The following SHROOM4 variants were observed in gnomAD, a reference collection of about 807,000 sequenced individuals.
SHROOM4 encodes the protein protein Shroom4.
Under a neutral mutation model 80.3 loss-of-function variants are expected in SHROOM4, and 17 were observed. The ratio of observed to expected loss-of-function variants is 0.21; its 90% CI spans 0.14 to 0.32. The LOEUF is 0.32. SHROOM4 is among the 10% of genes least tolerant of loss of function. The pLI, the probability that SHROOM4 is intolerant of heterozygous loss-of-function variation, is 1.00. For synonymous variants in SHROOM4, 400 were observed against 437.5 expected (o/e 0.91, Z 1.07); for missense variants, 993 against 1,140.3 (o/e 0.87, Z 1.86).
intron 1 of SHROOM4, among the ~76,000 whole-genome samples, chrX:50,738,300 T>C (rs150917790): frequency 0.028 from 3,078 of 111,181 alleles, 94 homozygotes; most frequent in African/African-American, 0.094. Context: ...ATCACTCCTA[T>C]TCAACATAGT....
intron 1 of SHROOM4, among the ~76,000 whole-genome samples, chrX:50,735,963 C>G (rs782748993): frequency 1.9e-5 from 2 of 105,964 alleles, no homozygotes; most frequent in African/African-American, 6.9e-5. Context: ...GCCGAGACCG[C>G]GCCACTGCAC....
intron 3 of SHROOM4, among the ~76,000 whole-genome samples, chrX:50,637,002 C>T (rs912137156): frequency 9.0e-6 from 1 of 111,419 alleles, no homozygotes; most frequent in African/African-American, 3.3e-5. Flanking sequence ...TTAGTTTTTG[C>T]CATCAGGATC....
chrX:50,734,606 G>T (rs1934441077), intron 1 of SHROOM4, among the ~76,000 whole-genome samples: 1 of 110,315 alleles, frequency 9.1e-6, no homozygotes, highest in Non-Finnish European at 1.9e-5. Flanking sequence ...GTACAAACGG[G>T]GTTTCACCAT....
rs1048476504 is a variant in SHROOM4 at position 50,591,560 on chromosome X, A to G, written c.*5135T>C. Reference sequence around the variant, plus strand: ...CTTTCCATTTATTTTGATCTTCTCTAATCTCTTTCAACAATGTTTTATAGT... The same window carrying G: ...CTTTCCATTTATTTTGATCTTCTCTGATCTCTTTCAACAATGTTTTATAGT... On this transcript the variant is annotated 3_prime_UTR_variant, in exon 9 of 9. Coordinates refer to ENST00000376020, the MANE Select transcript of SHROOM4 (RefSeq NM_020717.5). The G allele has an allele frequency of 1.6e-5, 4 of 251,162 alleles. No individual in the cohort carries two copies. Among genetic ancestry groups the G allele is most frequent in the Non-Finnish European group, 2.9e-5 (4 of 138,440 alleles). 20.7% of individuals were successfully genotyped at this position (251,162 alleles called of 1,213,427 possible). A position where few individuals can be genotyped will look rare whatever the true frequency, so the allele number is the denominator to read the frequency against.
At chrX:50,712,496 A>G (rs1000251368) in intron 1 of SHROOM4, among the ~76,000 whole-genome samples, 6 of 112,152 alleles carry the variant, frequency 5.3e-5, no homozygotes, top group African/African-American at 1.9e-4. Context: ...CCCATTCTCC[A>G]TGATGTGATT....
chrX:50,735,646 A>G (rs913780233), intron 1 of SHROOM4, among the ~76,000 whole-genome samples: 3 of 111,843 alleles, frequency 2.7e-5, no homozygotes, highest in Admixed American at 9.5e-5. Context: ...TGAAAAAAAA[A>G]CAGACAAAGG....
chrX:50,786,101 C>G (rs781916359), intron 1 of SHROOM4, among the ~76,000 whole-genome samples: 2 of 111,682 alleles, frequency 1.8e-5, no homozygotes, highest in South Asian at 7.6e-4. Context: ...ATCTGAGAGA[C>G]CCTGTCAGCA....
rs1358111013 is a variant in SHROOM4 at position 50,660,810 on chromosome X, T to C, written c.270-22502A>G. Among the ~76,000 whole-genome samples the C allele has an allele frequency of 5.5e-5, 6 of 108,575 alleles. No individual in the cohort carries two copies. The East Asian group carries it at 1.7e-3, about 31-fold the overall frequency. 94.3% of individuals were successfully genotyped at this position (108,575 alleles called of 115,157 possible). On this transcript the variant is annotated intron_variant, in intron 2 of 8. Coordinates refer to ENST00000376020, the MANE Select transcript of SHROOM4 (RefSeq NM_020717.5). ...TTTTAGACTTTTTGTCAAGACAGGG[T>C]CTCACTATGTTTCTCAGGCTTGTCT...
intron 7 of SHROOM4, among the ~76,000 whole-genome samples, chrX:50,599,898 A>C (rs1929315003): frequency 9.0e-6 from 1 of 111,116 alleles, no homozygotes; most frequent in African/African-American, 3.3e-5. Flanking sequence ...TGTGTGTCTG[A>C]TCTCTCACCT....
rs149222870 is a variant in SHROOM4 at position 50,714,964 on chromosome X, T to C, written c.118-19027A>G. On this transcript the variant is annotated intron_variant, in intron 1 of 8. Coordinates refer to ENST00000376020, the MANE Select transcript of SHROOM4 (RefSeq NM_020717.5). The stretch of plus-strand genomic sequence containing the variant: ...TGTTGATTAGAAGCTCTAGGGAACA[T>C]GTGCCAGTTAACCACAACAGATGGA... Among the ~76,000 whole-genome samples the C allele has an allele frequency of 6.3e-3, 700 of 111,736 alleles. 7 individuals are homozygous for C. The highest frequency in any genetic ancestry group is 0.022 in the African/African-American group (672 of 30,786).
intron 1 of SHROOM4, among the ~76,000 whole-genome samples, chrX:50,779,557 CA>C (rs1377093869): frequency 1.8e-5 from 2 of 111,834 alleles, no homozygotes; most frequent in African/African-American, 6.5e-5. Context: ...ATCAGGATTT[CA>C]GGCCAATAAA....
chrX:50,731,256 C>G (rs1298483581), intron 1 of SHROOM4, among the ~76,000 whole-genome samples: 1 of 109,885 alleles, frequency 9.1e-6, no homozygotes, highest in African/African-American at 3.3e-5. Flanking sequence ...TCTGTGGTAT[C>G]TGAACAAAAA....
At position 50,747,096 on chromosome X, in the gene SHROOM4, T is replaced by C. The variant is rs781793431; in HGVS notation, c.118-51159A>G. ...GTGAAAGGACTTGTCCCAGATCATA[T>C]TCATAGTGACTAGCACAGGAGAAAC... is the stretch of plus-strand genomic sequence containing the variant. On this transcript the variant is annotated intron_variant, in intron 1 of 8. Coordinates refer to ENST00000376020, the MANE Select transcript of SHROOM4 (RefSeq NM_020717.5). Among the ~76,000 whole-genome samples, 7 of 111,980 alleles carry C rather than the reference T, an allele frequency of 6.3e-5. No homozygotes were observed. In the South Asian group the frequency reaches 2.6e-3, roughly 42 times the overall value.
At chrX:50,761,632 G>A (rs1039344592) in intron 1 of SHROOM4, among the ~76,000 whole-genome samples, 22 of 110,984 alleles carry the variant, frequency 2.0e-4, no homozygotes, top group Non-Finnish European at 3.6e-4. Context: ...GCATGACCTC[G>A]GCTTACTGCA....
At chrX:50,735,673 A>T (rs1934468047) in intron 1 of SHROOM4, among the ~76,000 whole-genome samples, 1 of 111,687 alleles carries the variant, frequency 9.0e-6, no homozygotes, top group African/African-American at 3.3e-5. Flanking sequence ...GTAGACATTT[A>T]TCCAAACAAT....
rs1557247910 is a variant in SHROOM4, at chrX:50,602,802, T to C, written c.3773A>G (p.Gln1258Arg). Residue 1258 changes from glutamine (Q) to arginine (R), a missense_variant, in exon 7 of 9, where the codon CAG becomes CGG. Physicochemically the swap from Gln to Arg is conservative, Grantham distance 43. Transcript: ENST00000376020. ...EATESAKQEF[Q>R]HFSPPSGAPG... is the part of the protein sequence containing the mutation. ...GGCCCCTGAAGGAGGCGAAAAGTGC[T>C]GAAACTCTTGTCTGTGGAAACAAAG... 1 of 1,210,210 alleles carries C rather than the reference T, an allele frequency of 8.3e-7. No individual in the cohort carries two copies. Among genetic ancestry groups the C allele is most frequent in the South Asian group, 1.8e-5 (1 of 56,922 alleles).
At chrX:50,769,014 A>T (rs1338787307) in intron 1 of SHROOM4, among the ~76,000 whole-genome samples, 2 of 111,595 alleles carry the variant, frequency 1.8e-5, no homozygotes, top group Non-Finnish European at 3.8e-5. Context: ...CTTGAAGGAG[A>T]TGTTGGCTGA....
chrX:50,700,296 T>C lies in SHROOM4; in HGVS notation c.118-4359A>G, dbSNP rs568549703. 1.6e-4 allele frequency among the ~76,000 whole-genome samples: 18 copies of C among 112,523 alleles called. No individual in the cohort carries two copies. In the South Asian group the frequency reaches 5.2e-3, roughly 32 times the overall value. On this transcript the variant is annotated intron_variant, in intron 1 of 8. Transcript: ENST00000376020. ...CAGTTATTTAAAGAAAGAATATACC[T>C]TCCGAATATCTTTTTAGCATCTTAG...
In SHROOM4 at chrX:50,612,378, A is replaced by G. The variant is rs782422638; in HGVS notation, c.2958-4194T>C. ...ATGAGAATATATAAACCCACCAGTTACCATAGGAAAAAAAAGTATAAATTT... is the reference window on the plus strand; with the variant it reads ...ATGAGAATATATAAACCCACCAGTTGCCATAGGAAAAAAAAGTATAAATTT... On this transcript the variant is annotated intron_variant, in intron 5 of 8. Transcript: ENST00000376020. Among the ~76,000 whole-genome samples, 3 of 112,022 alleles carry G rather than the reference A, an allele frequency of 2.7e-5. No individual in the cohort carries two copies. In the East Asian group the frequency reaches 8.4e-4, roughly 31 times the overall value.
Sources: gnomAD v4.1 joint callset for allele counts (sites outside exome capture counted in the v4.1 genomes callset) on GRCh38, gnomAD v4.1.1 for gene constraint, MANE v1.5 for transcripts, NCBI Gene and HGNC (gene_info 2026-07-23, HGNC 2026-07-21) for gene names.